CBLL1: variants seen among roughly 807,000 people sequenced by gnomAD.
CBLL1 encodes the protein Cbl proto-oncogene like 1.
CBLL1 carries 4 observed loss-of-function variants against 44.9 expected under a neutral mutation model. The observed-to-expected ratio is 0.09, with a 90% CI of 0.04 to 0.20. The LOEUF (loss-of-function observed/expected upper bound fraction) is 0.20. Ranked by LOEUF, CBLL1 falls within the 10% of genes least tolerant of loss-of-function variation. CBLL1 has a pLI of 1.00. For missense variants in CBLL1, 569 were observed against 636.7 expected (o/e 0.89, Z 1.14); for synonymous variants, 235 against 202.2 (o/e 1.16, Z -1.38).
At chr7:107,752,826 A>C (rs545409298) in intron 2 of CBLL1, among the ~76,000 whole-genome samples, 1 of 152,206 alleles carries the variant, frequency 6.6e-6, no homozygotes, top group East Asian at 1.9e-4. Flanking sequence ...TGTTTGGGTA[A>C]TTAATCAGGG....
At position 107,759,082 on chromosome 7, in the gene CBLL1, A is replaced by T. The variant is rs767067978; in HGVS notation, c.1380A>T (p.Pro460=). 1 of 1,613,930 alleles carries T rather than the reference A, an allele frequency of 6.2e-7. No homozygotes were observed. The highest frequency in any genetic ancestry group is 1.3e-5 in the African/African-American group (1 of 74,898). Reference sequence around the variant, plus strand: ...GTATATGGCCTGCACCAAGAGGGCCACCACCACCTCCACGATTGCAGGGTC... The same window carrying T: ...GTATATGGCCTGCACCAAGAGGGCCTCCACCACCTCCACGATTGCAGGGTC... ...SPGIWPAPRG[P]PPPPRLQGPP... The change falls in exon 6 of 6, where the codon CCA becomes CCT. Residue 460 remains proline, a synonymous_variant. Coordinates refer to ENST00000440859, the MANE Select transcript of CBLL1 (RefSeq NM_024814.4).
chr7:107,744,249 G>T (rs1792883684), intron 1 of CBLL1, 73 bp downstream of exon 1: 6 of 1,468,956 alleles, frequency 4.1e-6, no homozygotes, highest in African/African-American at 2.9e-5. Context: ...CGCACAGCAG[G>T]CAAAAGGGAT....
Position 107,759,109 on chromosome 7 carries a change from G to C in CBLL1, c.1407G>C (p.Pro469=). The C allele has an allele frequency of 6.2e-7, 1 of 1,613,916 alleles. No homozygotes were observed. Among genetic ancestry groups the C allele is most frequent in the Non-Finnish European group, 8.5e-7 (1 of 1,179,952 alleles). Residue 469 remains proline, a synonymous_variant, in exon 6 of 6, where the codon CCG becomes CCC. Transcript: ENST00000440859. ...GPPPPPRLQG[P]PSQTPLPGPH... Reference sequence around the variant, plus strand: ...CACCACCTCCACGATTGCAGGGTCCGCCTTCTCAAACCCCACTTCCTGGAC... The same window carrying C: ...CACCACCTCCACGATTGCAGGGTCCCCCTTCTCAAACCCCACTTCCTGGAC...
chr7:107,746,645 G>C (rs1428817198), intron 1 of CBLL1, among the ~76,000 whole-genome samples: 2 of 152,176 alleles, frequency 1.3e-5, no homozygotes, highest in African/African-American at 4.8e-5. Context: ...AAGAATAATT[G>C]TAATATTAAA....
chr7:107,759,143 C>A lies in CBLL1; in HGVS notation c.1441C>A (p.Pro481Thr). 6.2e-7 allele frequency: 1 copy of A among 1,613,238 alleles called. No homozygotes were observed. The highest frequency in any genetic ancestry group is 8.5e-7 in the Non-Finnish European group (1 of 1,179,664). ...AACCCCACTTCCTGGACCACATCATCCAGATCAGACAAGATATAGACCGTA... is the reference window on the plus strand; with the variant it reads ...AACCCCACTTCCTGGACCACATCATACAGATCAGACAAGATATAGACCGTA... ...SQTPLPGPHH[P>T]DQTRYRPYYQ Residue 481 changes from proline to threonine, a missense_variant, in exon 6 of 6, where the codon CCA becomes ACA. By Grantham distance (38) the Pro-to-Thr change is conservative (BLOSUM62 -1). Around this residue, in one of 5 missense-constraint regions of CBLL1, gnomAD observed 228 missense variants for 253.2 expected, o/e 0.90. Coordinates refer to ENST00000440859, the MANE Select transcript of CBLL1 (RefSeq NM_024814.4).
At chr7:107,752,643 C>A in intron 2 of CBLL1, 1 of 1,159,038 alleles carries the variant, frequency 8.6e-7, no homozygotes, top group Non-Finnish European at 1.1e-6. Flanking sequence ...CTAGAATTCC[C>A]ATCAGACTGT....
rs781247779 is a variant in CBLL1, at chr7:107,759,155, A to G, written c.1453A>G (p.Arg485Gly). 6.2e-7 allele frequency: 1 copy of G among 1,611,326 alleles called. No homozygotes were observed. Among genetic ancestry groups the G allele is most frequent in the South Asian group, 1.1e-5 (1 of 90,876 alleles). The change falls in exon 6 of 6, where the codon AGA becomes GGA. Residue 485 changes from arginine (R) to glycine (G), a missense_variant. Physicochemically the swap from Arg to Gly is moderately radical, Grantham distance 125. Around this residue, in one of 5 missense-constraint regions of CBLL1, gnomAD observed 228 missense variants for 253.2 expected, o/e 0.90. Coordinates refer to ENST00000440859, the MANE Select transcript of CBLL1 (RefSeq NM_024814.4). Reference protein sequence around the residue: ...LPGPHHPDQTRYRPYYQ With the variant: ...LPGPHHPDQTGYRPYYQ ...TGGACCACATCATCCAGATCAGACA[A>G]GATATAGACCGTATTACCAATGATA...
rs754365005 is a variant in CBLL1, at chr7:107,753,528, A to G, written c.282+17A>G. 4 of 1,419,904 alleles carry G rather than the reference A, an allele frequency of 2.8e-6. No homozygotes were observed. In the South Asian group the frequency reaches 4.0e-5, roughly 14 times the overall value. 88.0% of individuals were successfully genotyped at this position (1,419,904 alleles called of 1,614,324 possible). On this transcript the variant is annotated intron_variant, in intron 3 of 5. Transcript: ENST00000440859. Reference sequence around the variant, plus strand: ...GACTTTCAGGTATAATTAAAAATGAAAAATTGTATTATAACAATAAAATAT... The same window carrying G: ...GACTTTCAGGTATAATTAAAAATGAGAAATTGTATTATAACAATAAAATAT...
chr7:107,758,503 G>A lies in CBLL1; in HGVS notation c.801G>A (p.Leu267=). Residue 267 remains leucine (L), a synonymous_variant, in exon 6 of 6, where the codon TTG becomes TTA. Transcript: ENST00000440859. The surrounding 1 kb of genome is among the most constrained non-coding windows in gnomAD (Gnocchi z 4.2). ...HEDIRAPPAE[L]SMAPPPPRSV... The stretch of plus-strand genomic sequence containing the variant: ...ATATTCGTGCTCCTCCAGCAGAATT[G>A]TCCATGGCTCCACCTCCACCTCGAT... The A allele has an allele frequency of 6.2e-7, 1 of 1,614,112 alleles. No individual in the cohort carries two copies. The highest frequency in any genetic ancestry group is 8.5e-7 in the Non-Finnish European group (1 of 1,180,028).
intron 2 of CBLL1, among the ~76,000 whole-genome samples, chr7:107,750,836 A>G (rs892133956): frequency 4.1e-5 from 6 of 147,506 alleles, no homozygotes; most frequent in East Asian, 2.1e-4. Flanking sequence ...CTTTCACACT[A>G]TAATGGTAGA....
chr7:107,749,519 C>CA (rs1372305869), intron 2 of CBLL1, among the ~76,000 whole-genome samples: 1 of 150,624 alleles, frequency 6.6e-6, no homozygotes, highest in African/African-American at 2.4e-5. Context: ...TTTTCTGTTA[C>CA]AAAAAACATT....
chr7:107,744,225 G>A (rs1792881012), intron 1 of CBLL1, 49 bp downstream of exon 1: 2 of 1,517,554 alleles, frequency 1.3e-6, no homozygotes, highest in Non-Finnish European at 1.8e-6. Context: ...CCCCTTGGCC[G>A]GCCTGGGGCT....
intron 2 of CBLL1, among the ~76,000 whole-genome samples, chr7:107,750,899 A>G (rs964097816): frequency 6.6e-6 from 1 of 151,804 alleles, no homozygotes; most frequent in Non-Finnish European, 1.5e-5. Context: ...AATATTTACT[A>G]TTTAGCATTT....
chr7:107,752,564 G>C (rs764958674), intron 2 of CBLL1: 14 of 1,289,488 alleles, frequency 1.1e-5, no homozygotes, highest in Non-Finnish European at 1.4e-5. Flanking sequence ...CAAAAGAGTC[G>C]TGAGAAGCCT....
intron 2 of CBLL1, among the ~76,000 whole-genome samples, chr7:107,751,932 G>T (rs1793310789): frequency 6.6e-6 from 1 of 152,042 alleles, no homozygotes; most frequent in African/African-American, 2.4e-5. Context: ...AGGTGTGGTG[G>T]CTCACGCCTG....
intron 1 of CBLL1, 100 bp from the exon 2 acceptor site, chr7:107,748,780 T>G: frequency 1.0e-6 from 1 of 983,312 alleles, no homozygotes; most frequent in Non-Finnish European, 1.5e-6. Context: ...CCCAGATCTT[T>G]AACCTTGATA....
chr7:107,744,973 G>A (rs1045111338), intron 1 of CBLL1: 1 of 152,126 alleles, frequency 6.6e-6, no homozygotes, highest in African/African-American at 2.4e-5. Flanking sequence ...AGAAAAAAAG[G>A]CTTTTTCTTG....
chr7:107,748,753 A>G, intron 1 of CBLL1, 127 bp from the exon 2 acceptor site: 2 of 709,894 alleles, frequency 2.8e-6, no homozygotes, highest in East Asian at 2.8e-5. Flanking sequence ...AACTTAATGT[A>G]ATATTGAAAA....
intron 1 of CBLL1, among the ~76,000 whole-genome samples, chr7:107,745,364 A>G (rs1041829852): frequency 6.6e-6 from 1 of 152,204 alleles, no homozygotes; most frequent in Non-Finnish European, 1.5e-5. Flanking sequence ...AGCAAGAGGA[A>G]GAGCATTTCC....
Sources: allele counts gnomAD v4.1 joint callset (sites outside exome capture counted in the v4.1 genomes callset), GRCh38; gene constraint gnomAD v4.1.1; regional missense constraint gnomAD v4.1.1; non-coding constraint Gnocchi (gnomAD v3.1); transcripts MANE v1.5; gene names NCBI Gene and HGNC (gene_info 2026-07-23, HGNC 2026-07-21).